Variants in ACACA observed in about 807,000 individuals in gnomAD.
ACACA encodes acetyl-CoA carboxylase 1.
ACACA carries 103 observed loss-of-function variants against 296.1 expected under a neutral mutation model. That is an observed-to-expected ratio of 0.35 (90% CI 0.30 to 0.41). ACACA has a LOEUF of 0.41. Among genes scored for constraint, ACACA ranks in the 10% least tolerant of loss-of-function variants. The probability of loss-of-function intolerance (pLI) is 1.00; values close to 1 mark genes in which losing one functional copy is unlikely to be tolerated. For missense variants in ACACA, 1,554 were observed against 2,989.7 expected (o/e 0.52, Z 11.20); for synonymous variants, 953 against 1,038.6 (o/e 0.92, Z 1.58).
intron 41 of ACACA, among the ~76,000 whole-genome samples, chr17:37,174,923 T>C (rs72826177): frequency 0.023 from 3,575 of 152,316 alleles, 54 homozygotes; most frequent in Non-Finnish European, 0.033. Context: ...TTTTTGGATA[T>C]ACATCTTGTA....
Position 37,122,517 on chromosome 17 carries a change from T to C in ACACA, c.6138+14A>G, listed in dbSNP as rs2074576640. ...CCTCCAAGCACAGCCCCCAGTGTACTTGAGGTGGCCTACCTTGGCTTCAGA... is the reference window on the plus strand; with the variant it reads ...CCTCCAAGCACAGCCCCCAGTGTACCTGAGGTGGCCTACCTTGGCTTCAGA... On this transcript the variant is annotated intron_variant, in intron 49 of 55. Coordinates refer to ENST00000616317, the MANE Select transcript of ACACA (RefSeq NM_198834.3). 6.2e-7 allele frequency: 1 copy of C among 1,610,616 alleles called. No homozygotes were observed. The highest frequency in any genetic ancestry group is 8.5e-7 in the Non-Finnish European group (1 of 1,176,776).
chr17:37,335,318 C>T (rs2048066482), intron 2 of ACACA, among the ~76,000 whole-genome samples: 1 of 152,148 alleles, frequency 6.6e-6, no homozygotes, highest in Non-Finnish European at 1.5e-5. Flanking sequence ...ATAAACACCA[C>T]TTCTGTTTTA....
intron 1 of ACACA, among the ~76,000 whole-genome samples, chr17:37,348,695 A>T (rs986315740): frequency 6.6e-6 from 1 of 152,048 alleles, no homozygotes; most frequent in African/African-American, 2.4e-5. Context: ...CCAATGCTAT[A>T]CGGGCGCGGT....
At chr17:37,228,525 T>C (rs1354379764) in intron 25 of ACACA, among the ~76,000 whole-genome samples, 2 of 152,120 alleles carry the variant, frequency 1.3e-5, no homozygotes, top group Non-Finnish European at 2.9e-5. Flanking sequence ...AGTCTCACCT[T>C]TTGCTGAGAA....
chr17:37,389,401 G>C, intron 1 of ACACA: 1 of 1,552,386 alleles, frequency 6.4e-7, no homozygotes, highest in Non-Finnish European at 8.7e-7. Flanking sequence ...TTTGCTTAAA[G>C]AAGGTGGGGT....
chr17:37,406,550 G>A lies in ACACA; in HGVS notation c.-251C>T, dbSNP rs1296656538. 1.7e-6 allele frequency: 1 copy of A among 603,134 alleles called. No individual in the cohort carries two copies. The highest frequency in any genetic ancestry group is 2.9e-6 in the Non-Finnish European group (1 of 339,248). 37.4% of individuals were successfully genotyped at this position (603,134 alleles called of 1,614,324 possible). A position where few individuals can be genotyped will look rare whatever the true frequency, so the allele number is the denominator to read the frequency against. Reference sequence around the variant, plus strand: ...CTGCAACAGGGGTGGAGATGGGAACGTTATCCCCAAACCCAGGCAGTCCCG... The same window carrying A: ...CTGCAACAGGGGTGGAGATGGGAACATTATCCCCAAACCCAGGCAGTCCCG... On this transcript the variant is annotated 5_prime_UTR_variant, in exon 1 of 56. The change creates a new upstream start codon in the 5' untranslated region. Coordinates refer to ENST00000616317, the MANE Select transcript of ACACA (RefSeq NM_198834.3).
Position 37,406,439 on chromosome 17 carries a change from C to A in ACACA, c.-140G>T, listed in dbSNP as rs2051513571. Reference sequence around the variant, plus strand: ...CCCCTTAAAATCAGTCTGGTTCATCCACGAGCAGCCCTTCGGGGCCCGGAC... The same window carrying A: ...CCCCTTAAAATCAGTCTGGTTCATCAACGAGCAGCCCTTCGGGGCCCGGAC... On this transcript the variant is annotated 5_prime_UTR_variant, in exon 1 of 56. Coordinates refer to ENST00000616317, the MANE Select transcript of ACACA (RefSeq NM_198834.3). 2.0e-6 allele frequency: 2 copies of A among 976,624 alleles called. No individual in the cohort carries two copies. Among genetic ancestry groups the A allele is most frequent in the Admixed American group, 3.6e-5 (2 of 55,652 alleles). 60.5% of individuals were successfully genotyped at this position (976,624 alleles called of 1,614,324 possible).
intron 43 of ACACA, among the ~76,000 whole-genome samples, chr17:37,154,603 T>C (rs2076167037): frequency 6.6e-6 from 1 of 152,266 alleles, no homozygotes; most frequent in East Asian, 1.9e-4. Context: ...TTCAAGCGAT[T>C]GTCCTGCCTC....
chr17:37,158,459 A>ATC (rs2076337468), intron 42 of ACACA, among the ~76,000 whole-genome samples: 1 of 151,916 alleles, frequency 6.6e-6, no homozygotes, highest in African/African-American at 2.4e-5. Flanking sequence ...GGGAAACCCC[A>ATC]TCTCTACAAA....
chr17:37,215,987 G>A (rs1330313161), intron 29 of ACACA, among the ~76,000 whole-genome samples: 1 of 151,366 alleles, frequency 6.6e-6, no homozygotes, highest in African/African-American at 2.4e-5. Context: ...GAATATTCCT[G>A]CACCATGAAA....
At chr17:37,348,206 A>C (rs1267999746) in intron 1 of ACACA, among the ~76,000 whole-genome samples, 1 of 152,124 alleles carries the variant, frequency 6.6e-6, no homozygotes, top group African/African-American at 2.4e-5. Flanking sequence ...AAAGAAGATG[A>C]GAGAACCTGT....
intron 23 of ACACA, among the ~76,000 whole-genome samples, chr17:37,241,510 G>A (rs1224277129): frequency 6.6e-6 from 1 of 152,068 alleles, no homozygotes; most frequent in East Asian, 1.9e-4. Flanking sequence ...TTTGAGATGA[G>A]CCTGGGCAAC....
At chr17:37,376,075 G>C (rs780786842) in intron 1 of ACACA, 2 of 1,606,572 alleles carry the variant, frequency 1.2e-6, no homozygotes, top group Non-Finnish European at 1.7e-6. Flanking sequence ...TCTGCAATGA[G>C]CATGTGCTCA....
intron 39 of ACACA, among the ~76,000 whole-genome samples, chr17:37,184,240 G>C (rs2077441233): frequency 6.6e-6 from 1 of 152,104 alleles, no homozygotes; most frequent in South Asian, 2.1e-4. Flanking sequence ...ATCATCACAA[G>C]CATGTGGTCT....
chr17:37,144,897 TCACTGCCTTTG>T (rs1349989948), intron 45 of ACACA, among the ~76,000 whole-genome samples: 6 of 152,032 alleles, frequency 3.9e-5, no homozygotes, highest in African/African-American at 1.2e-4. Context: ...CACCTGCATA[TCACTGCCTTTG>T]GCATATACCT....
chr17:37,311,272 C>T (rs1323794526), intron 3 of ACACA, among the ~76,000 whole-genome samples: 2 of 152,060 alleles, frequency 1.3e-5, no homozygotes, highest in East Asian at 3.9e-4. Context: ...CAAAAAAAGG[C>T]CTTCTATAAA....
chr17:37,256,027 G>A (rs1350560775), intron 14 of ACACA, among the ~76,000 whole-genome samples: 3 of 152,172 alleles, frequency 2.0e-5, no homozygotes, highest in African/African-American at 7.2e-5. Flanking sequence ...GATTACAGGT[G>A]TGAGCCACCG....
At position 37,329,095 on chromosome 17, in the gene ACACA, G is replaced by A. The variant is rs145051872; in HGVS notation, c.338+1078C>T. 1.3e-4 allele frequency: 53 copies of A among 396,362 alleles called. 1 individual carries two copies. In the East Asian group the frequency reaches 1.6e-3, roughly 12 times the overall value. 24.6% of individuals were successfully genotyped at this position (396,362 alleles called of 1,614,324 possible). ...CTATGTACTGACATTCTCAGTTAGG[G>A]AGAACTGTGTTTCTAGAGAAAAAGG... On this transcript the variant is annotated intron_variant, in intron 3 of 55. Transcript: ENST00000616317.
At chr17:37,199,239 CAAA>C (rs1367557401) in intron 35 of ACACA, among the ~76,000 whole-genome samples, 2 of 95,774 alleles carry the variant, frequency 2.1e-5, no homozygotes, top group Non-Finnish European at 4.3e-5. Context: ...GACACTCTCT[CAAA>C]AAAAAAAAAA....
Sources: allele counts gnomAD v4.1 joint callset (sites outside exome capture counted in the v4.1 genomes callset), GRCh38; gene constraint gnomAD v4.1.1; transcripts MANE v1.5; gene names NCBI Gene and HGNC (gene_info 2026-07-23, HGNC 2026-07-21).